The following ZNF723 variants were observed in gnomAD, a reference collection of about 807,000 sequenced individuals.
ZNF723 encodes the protein zinc finger protein 723.
ZNF723 carries 5 observed loss-of-function variants against 9.4 expected under a neutral mutation model. The observed-to-expected ratio is 0.53, with a 90% confidence interval of 0.28 to 1.12. The LOEUF is 1.12. ZNF723 is among the 50% of genes most tolerant of loss of function. The pLI is 0.10. For missense variants in ZNF723, 450 were observed against 501.5 expected (o/e 0.90, Z 0.98); for synonymous variants, 158 against 168.8 (o/e 0.94, Z 0.49).
At chr19:22,851,036 AAATG>A (rs1163031686) in intron 3 of ZNF723, among the ~76,000 whole-genome samples, 1 of 151,050 alleles carries the variant, frequency 6.6e-6, no homozygotes, top group African/African-American at 2.5e-5. Flanking sequence ...ATCTATTAAT[AAATG>A]TAGGCAGATT....
Position 22,858,131 on chromosome 19 carries a change from A to G in ZNF723, c.1240A>G (p.Thr414Ala). Residue 414 changes from threonine to alanine, a missense_variant, in exon 4 of 4, where the codon ACA becomes GCA. Physicochemically the swap from Thr to Ala is moderately conservative, Grantham distance 58. Transcript: ENST00000600766. ...CTTTAACCAATCCTCAGCCCTTACT[A>G]CACATAAGATAATTCATACTGGAGA... ...KAFNQSSALT[T>A]HKIIHTGERP... 3 of 1,441,180 alleles carry G rather than the reference A, an allele frequency of 2.1e-6. No individual in the cohort carries two copies. Among genetic ancestry groups the G allele is most frequent in the Non-Finnish European group, 2.9e-6 (3 of 1,023,960 alleles). 89.3% of individuals were successfully genotyped at this position (1,441,180 alleles called of 1,614,324 possible).
chr19:22,841,370 G>T (rs950206018), intron 1 of ZNF723, among the ~76,000 whole-genome samples: 7 of 152,252 alleles, frequency 4.6e-5, no homozygotes, highest in Admixed American at 4.6e-4. Flanking sequence ...GACTAACTGT[G>T]GTGACTGTCT....
chr19:22,838,948 T>C (rs1262062366), intron 1 of ZNF723, among the ~76,000 whole-genome samples: 1 of 152,100 alleles, frequency 6.6e-6, no homozygotes, highest in Non-Finnish European at 1.5e-5. Context: ...GGTTTCTCCA[T>C]GTTGGCCAGG....
upstream of ZNF723, among the ~76,000 whole-genome samples, chr19:22,827,638 A>G (rs899182841): frequency 6.6e-6 from 1 of 151,988 alleles, no homozygotes; most frequent in Non-Finnish European, 1.5e-5. Flanking sequence ...TAGTAGAGAC[A>G]GAATTTCACC....
chr19:22,831,798 C>G (rs1342787555), upstream of ZNF723, among the ~76,000 whole-genome samples: 1 of 151,972 alleles, frequency 6.6e-6, no homozygotes, highest in African/African-American at 2.4e-5. Flanking sequence ...ATCCCAGCTA[C>G]TCAGGAGGCT....
chr19:22,825,085 C>A, the ZNF723 span, among the ~76,000 whole-genome samples: 111 of 152,280 alleles, frequency 7.3e-4, no homozygotes, highest in African/African-American at 2.6e-3. Flanking sequence ...AAAGTTGTCA[C>A]CCTCCCACAG....
the ZNF723 span, among the ~76,000 whole-genome samples, chr19:22,815,017 T>G: frequency 2.0e-5 from 3 of 152,126 alleles, no homozygotes; most frequent in African/African-American, 7.2e-5. Context: ...GCAAATCTCC[T>G]GCTTGGGCTC....
At chr19:22,847,898 C>T (rs1402121276) in intron 1 of ZNF723, among the ~76,000 whole-genome samples, 2 of 151,924 alleles carry the variant, frequency 1.3e-5, no homozygotes, top group Non-Finnish European at 2.9e-5. Context: ...GTCAGGAGTT[C>T]GAGACCAGCC....
chr19:22,832,238 C>A, upstream of ZNF723: 1 of 931,682 alleles, frequency 1.1e-6, no homozygotes, highest in Non-Finnish European at 1.6e-6. Flanking sequence ...AAGAGCCGTC[C>A]AATCAGACCC....
intron 1 of ZNF723, among the ~76,000 whole-genome samples, chr19:22,845,496 T>C (rs1050307396): frequency 6.6e-6 from 1 of 152,088 alleles, no homozygotes; most frequent in Non-Finnish European, 1.5e-5. Flanking sequence ...CTCATGAGAG[T>C]TCAGTTTCAC....
At chr19:22,855,185 T>C (rs906280897) in intron 3 of ZNF723, among the ~76,000 whole-genome samples, 2 of 152,052 alleles carry the variant, frequency 1.3e-5, no homozygotes, top group African/African-American at 4.8e-5. Context: ...AGTATGTACA[T>C]ATCTTTCCTA....
At chr19:22,812,508 C>T in the ZNF723 span, among the ~76,000 whole-genome samples, 3 of 152,192 alleles carry the variant, frequency 2.0e-5, no homozygotes, top group Admixed American at 6.5e-5. Context: ...TTGACTCTCA[C>T]AACTGAGCTT....
At chr19:22,812,682 A>C in the ZNF723 span, among the ~76,000 whole-genome samples, 2 of 152,142 alleles carry the variant, frequency 1.3e-5, no homozygotes, top group African/African-American at 4.8e-5. Flanking sequence ...CAACAGTAAA[A>C]ATTGTCCTCT....
rs556808877 is a variant in ZNF723, at chr19:22,837,512, TATC to T, written c.3+5133_3+5135del. Among the ~76,000 whole-genome samples, 587 of 151,772 alleles carry T rather than the reference TATC, an allele frequency of 3.9e-3. 2 individuals carry two copies. Among genetic ancestry groups the T allele is most frequent in the Middle Eastern group, 0.021 (6 of 292 alleles). On this transcript the variant is annotated intron_variant, in intron 1 of 3. Transcript: ENST00000600766. ...ACAAACAATTTGGTGCCAGAAAAAA[TATC>T]ATGGAGGCCTGGCCTGGAATAAAAC...
At chr19:22,853,636 T>C (rs911395298) in intron 3 of ZNF723, among the ~76,000 whole-genome samples, 1 of 152,184 alleles carries the variant, frequency 6.6e-6, no homozygotes, top group African/African-American at 2.4e-5. Flanking sequence ...ATTTATTTAT[T>C]TATCTGAGAC....
At chr19:22,830,130 C>T (rs939758305), upstream of ZNF723, among the ~76,000 whole-genome samples, 2 of 150,448 alleles carry the variant, frequency 1.3e-5, no homozygotes, top group Admixed American at 6.7e-5. Context: ...GCTTATCTCT[C>T]AGCTTTTCTT....
the ZNF723 span, among the ~76,000 whole-genome samples, chr19:22,820,325 T>C: frequency 0.18 from 27,854 of 152,128 alleles, 2,940 homozygotes; most frequent in African/African-American, 0.29. Context: ...CAGGGAGAAT[T>C]GTGACATATC....
chr19:22,834,104 C>T (rs1185672627), intron 1 of ZNF723, among the ~76,000 whole-genome samples: 6 of 150,826 alleles, frequency 4.0e-5, no homozygotes, highest in Non-Finnish European at 8.9e-5. Flanking sequence ...TTAGTGGAGA[C>T]GGGGTTTCAC....
At chr19:22,844,005 T>A (rs73924709) in intron 1 of ZNF723, among the ~76,000 whole-genome samples, 1 of 152,178 alleles carries the variant, frequency 6.6e-6, no homozygotes, top group Non-Finnish European at 1.5e-5. Context: ...TCTGTTCAGA[T>A]TCACTCTATT....
Sources: gnomAD v4.1 joint callset for allele counts (sites outside exome capture counted in the v4.1 genomes callset) on GRCh38, gnomAD v4.1.1 for gene constraint, MANE v1.5 for transcripts, NCBI Gene and HGNC (gene_info 2026-07-23, HGNC 2026-07-21) for gene names.